The following NAA25 variants were observed in gnomAD, a reference collection of about 807,000 sequenced individuals.
NAA25 encodes N-terminal acetyltransferase B complex subunit NAA25.
NAA25 carries 30 observed loss-of-function variants against 132.5 expected under a neutral mutation model. The observed-to-expected ratio is 0.23, with a 90% confidence interval of 0.17 to 0.31. The LOEUF (loss-of-function observed/expected upper bound fraction) is 0.31. Among genes scored for constraint, NAA25 ranks in the 10% least tolerant of loss-of-function variants. The pLI is 1.00. For missense variants in NAA25, 771 were observed against 1,150.4 expected, an observed-to-expected ratio of 0.67 and a Z score of 4.77; for synonymous variants, 359 against 401.9, an observed-to-expected ratio of 0.89 and a Z score of 1.28.
chr12:112,038,753 G>A (rs1825207868), intron 22 of NAA25, among the ~76,000 whole-genome samples: 1 of 152,150 alleles, frequency 6.6e-6, no homozygotes, highest in African/African-American at 2.4e-5. Context: ...GCCGAGGTGG[G>A]CAGATCACTT....
At chr12:112,100,663 A>T (rs1367452324) in intron 1 of NAA25, among the ~76,000 whole-genome samples, 5 of 119,312 alleles carry the variant, frequency 4.2e-5, no homozygotes, top group Admixed American at 2.5e-4. Context: ...TCTGTTGCCC[A>T]GGCTGGAGTG....
At chr12:112,086,103 C>CAG (rs2079052451) in intron 4 of NAA25, among the ~76,000 whole-genome samples, 1 of 94,936 alleles carries the variant, frequency 1.1e-5, no homozygotes, top group Non-Finnish European at 1.9e-5. Context: ...CACACACACA[C>CAG]CCATAACCAT....
chr12:112,079,200 AAT>A (rs1351442760), intron 5 of NAA25, among the ~76,000 whole-genome samples: 1 of 152,210 alleles, frequency 6.6e-6, no homozygotes, highest in Non-Finnish European at 1.5e-5. Context: ...ACATGAAATT[AAT>A]AAAGTTAATA....
intron 17 of NAA25, among the ~76,000 whole-genome samples, chr12:112,044,573 G>A (rs1316836933): frequency 2.6e-5 from 4 of 152,134 alleles, no homozygotes; most frequent in East Asian, 3.9e-4. Context: ...AGGAGGCTGA[G>A]ACAGGAGAAT....
intron 1 of NAA25, among the ~76,000 whole-genome samples, chr12:112,107,482 A>AT (rs1375000354): frequency 2.0e-5 from 3 of 152,106 alleles, no homozygotes; most frequent in Admixed American, 6.6e-5. Flanking sequence ...TAACCCATAT[A>AT]AAAGGCCAAG....
At chr12:112,077,472 C>CAAA (rs566503271) in intron 7 of NAA25, among the ~76,000 whole-genome samples, 7 of 133,730 alleles carry the variant, frequency 5.2e-5, no homozygotes, top group East Asian at 4.2e-4. Context: ...ACTCTGTCTC[C>CAAA]AAAAAAAAAA....
At position 112,049,107 on chromosome 12, in the gene NAA25, T is replaced by C. The variant is rs2078427945; in HGVS notation, c.1729-664A>G. ...ATTACGTAAGACCTCTGCTGGAAAT[T>C]TCCTTAAACAAGTATGTGAAGGGAA... On this transcript the variant is annotated intron_variant, in intron 15 of 23. Transcript: ENST00000261745. This position sits in a 1 kb window ranked among gnomAD's most constrained non-coding sequence, Gnocchi z 4.7. 6.6e-6 allele frequency among the ~76,000 whole-genome samples: 1 copy of C among 152,204 alleles called. No individual in the cohort carries two copies. The highest frequency in any genetic ancestry group is 2.1e-4 in the South Asian group (1 of 4,836).
At chr12:112,100,897 C>T (rs2079286162) in intron 1 of NAA25, among the ~76,000 whole-genome samples, 1 of 152,136 alleles carries the variant, frequency 6.6e-6, no homozygotes. Context: ...GGATTACAGG[C>T]GTGAGCCACC....
chr12:112,080,723 T>C (rs1452154713), intron 5 of NAA25, among the ~76,000 whole-genome samples: 2 of 152,240 alleles, frequency 1.3e-5, no homozygotes, highest in South Asian at 2.1e-4. Context: ...ATGGTCTCGA[T>C]TTCCTGACCT....
chr12:112,090,702 A>C (rs769038831), intron 3 of NAA25, 24 bp downstream of exon 3: 2 of 1,593,762 alleles, frequency 1.3e-6, no homozygotes, highest in South Asian at 2.3e-5. Flanking sequence ...CAAGTTTAAA[A>C]ACAATGAAAA....
At chr12:112,107,187 G>A (rs1414654469) in intron 1 of NAA25, among the ~76,000 whole-genome samples, 1 of 152,078 alleles carries the variant, frequency 6.6e-6, no homozygotes, top group African/African-American at 2.4e-5. Context: ...TTGAACCTGG[G>A]AGGCAGAGGG....
chr12:112,075,343 C>A (rs1236691583), intron 8 of NAA25, among the ~76,000 whole-genome samples: 1 of 152,108 alleles, frequency 6.6e-6, no homozygotes, highest in African/African-American at 2.4e-5. Flanking sequence ...CACGCACCAC[C>A]ACAACTAGCT....
At chr12:112,036,100 GC>G (rs2078221203) in intron 22 of NAA25, among the ~76,000 whole-genome samples, 1 of 152,072 alleles carries the variant, frequency 6.6e-6, no homozygotes, top group African/African-American at 2.4e-5. Flanking sequence ...GCTGTAATGA[GC>G]ACTAAATTAT....
intron 5 of NAA25, 77 bp downstream of exon 5, chr12:112,080,983 T>C: frequency 7.9e-7 from 1 of 1,264,434 alleles, no homozygotes; most frequent in Non-Finnish European, 1.2e-6. Flanking sequence ...AAAAACCAGT[T>C]CAGAAGACAC....
chr12:112,059,714 T>C (rs541996597), intron 13 of NAA25, among the ~76,000 whole-genome samples: 1 of 152,352 alleles, frequency 6.6e-6, no homozygotes, highest in South Asian at 2.1e-4. Context: ...AGTATTTTTT[T>C]ATAGTCATTA....
intron 15 of NAA25, among the ~76,000 whole-genome samples, chr12:112,050,886 C>T (rs1292006109): frequency 6.6e-6 from 1 of 152,072 alleles, no homozygotes; most frequent in Non-Finnish European, 1.5e-5. Context: ...TCCCATAGCA[C>T]AAAACATTAC....
Position 112,043,813 on chromosome 12 carries a change from T to C in NAA25, c.2062A>G (p.Arg688Gly), listed in dbSNP as rs2078335328. 1 of 1,614,204 alleles carries C rather than the reference T, an allele frequency of 6.2e-7. No homozygotes were observed. The highest frequency in any genetic ancestry group is 1.7e-5 in the Admixed American group (1 of 60,026). Residue 688 changes from arginine (R) to glycine (G), a missense_variant, in exon 18 of 24, where the codon AGA (arginine) becomes GGA (glycine). Coordinates refer to ENST00000261745, the MANE Select transcript of NAA25 (RefSeq NM_024953.4). Reference sequence around the variant, plus strand: ...AGCCTCAATGTTAAGGATCGGATTCTTAACCACAAGGTCTCCTCCTCTAAG... The same window carrying C: ...AGCCTCAATGTTAAGGATCGGATTCCTAACCACAAGGTCTCCTCCTCTAAG... ...LSLEEETLWL[R>G]IRSLTLRLIS...
chr12:112,052,448 A>T (rs757196289), intron 15 of NAA25, among the ~76,000 whole-genome samples: 2 of 152,194 alleles, frequency 1.3e-5, no homozygotes, highest in Non-Finnish European at 2.9e-5. Context: ...CAGGACTAAG[A>T]ACCAACTAAT....
intron 4 of NAA25, among the ~76,000 whole-genome samples, chr12:112,081,696 C>T (rs2078974760): frequency 6.6e-6 from 1 of 152,102 alleles, no homozygotes; most frequent in African/African-American, 2.4e-5. Flanking sequence ...AAAGAATAGA[C>T]CTATTCAAGC....
Sources: gnomAD v4.1 joint callset for allele counts (sites outside exome capture counted in the v4.1 genomes callset) on GRCh38, gnomAD v4.1.1 for gene constraint, Gnocchi (gnomAD v3.1) non-coding constraint, MANE v1.5 for transcripts, NCBI Gene and HGNC (gene_info 2026-07-23, HGNC 2026-07-21) for gene names.